The following ASS1 variants were observed in gnomAD, a reference collection of about 807,000 sequenced individuals.
ASS1 encodes the protein argininosuccinate synthase 1.
In ASS1, 58 loss-of-function variants were observed where a neutral mutation model predicts 60.5. The ratio of observed to expected loss-of-function variants is 0.96; its 90% CI spans 0.78 to 1.19. The LOEUF is 1.19. ASS1 is among the 50% of genes most tolerant of loss of function. ASS1 has a pLI of 0.00. For synonymous variants in ASS1, 200 were observed against 206.9 expected (o/e 0.97, Z 0.29); for missense variants, 454 against 547.3 (o/e 0.83, Z 1.70).
At chr9:130,479,485 G>A (rs1382890134) in intron 9 of ASS1, among the ~76,000 whole-genome samples, 1 of 152,162 alleles carries the variant, frequency 6.6e-6, no homozygotes, top group Non-Finnish European at 1.5e-5. Context: ...ATGGGAGGGT[G>A]GGGGAGAGCG....
rs1037488503 is a variant in ASS1, at chr9:130,488,752, CAAG to C, written c.839-580_839-578del. Reference sequence around the variant, plus strand: ...ATTCAGTTCCCAGCTCCACCTAGAGCAAGTCCCTTCTCCTCTTGAGCTCAGTTT... The same window carrying C: ...ATTCAGTTCCCAGCTCCACCTAGAGCTCCCTTCTCCTCTTGAGCTCAGTTT... On this transcript the variant is annotated intron_variant, in intron 11 of 14. Transcript: ENST00000352480. This position sits in a 1 kb window ranked among gnomAD's most constrained non-coding sequence, Gnocchi z 5.2. Among the ~76,000 whole-genome samples, 1 of 152,212 alleles carries C rather than the reference CAAG, an allele frequency of 6.6e-6. No homozygotes were observed. The highest frequency in any genetic ancestry group is 2.4e-5 in the African/African-American group (1 of 41,458).
At chr9:130,496,101 G>A (rs1190882349) in intron 13 of ASS1, among the ~76,000 whole-genome samples, 1 of 152,100 alleles carries the variant, frequency 6.6e-6, no homozygotes, top group Non-Finnish European at 1.5e-5. Flanking sequence ...AAGAGAGACT[G>A]CCTAGGGGAA....
chr9:130,454,418 A>T (rs760736476), intron 3 of ASS1, 45 bp downstream of exon 3: 1 of 1,584,954 alleles, frequency 6.3e-7, no homozygotes, highest in Non-Finnish European at 8.6e-7. Context: ...TGGGGCGGTG[A>T]TGTGGAGGGC....
chr9:130,450,871 T>A (rs896565265), intron 1 of ASS1, among the ~76,000 whole-genome samples: 2 of 152,204 alleles, frequency 1.3e-5, no homozygotes, highest in East Asian at 3.9e-4. Context: ...ACTCTGACCT[T>A]GTGACGTTGG....
At chr9:130,487,907 T>A (rs1297863625) in intron 11 of ASS1, among the ~76,000 whole-genome samples, 1 of 152,096 alleles carries the variant, frequency 6.6e-6, no homozygotes. Flanking sequence ...TGTACCACCA[T>A]GCCCGGCTAA....
chr9:130,449,358 A>G (rs1391065510), intron 1 of ASS1, among the ~76,000 whole-genome samples: 2 of 151,346 alleles, frequency 1.3e-5, no homozygotes, highest in Non-Finnish European at 2.9e-5. Context: ...AAAAAAAAAA[A>G]AAAAAGGATA....
intron 3 of ASS1, among the ~76,000 whole-genome samples, chr9:130,455,175 A>T (rs1272142276): frequency 6.7e-6 from 1 of 148,172 alleles, no homozygotes; most frequent in Non-Finnish European, 1.5e-5. Flanking sequence ...CCTTCCATGC[A>T]TCATCCATTC....
At chr9:130,475,244 G>A (rs1845985752) in intron 8 of ASS1, among the ~76,000 whole-genome samples, 1 of 152,168 alleles carries the variant, frequency 6.6e-6, no homozygotes, top group Non-Finnish European at 1.5e-5. Context: ...GGCCGAGCAT[G>A]TACCCCCAGA....
In ASS1 at chr9:130,476,815, G is replaced by A. The variant is rs1020009785; in HGVS notation, c.598-56G>A. 6.6e-7 allele frequency: 1 copy of A among 1,510,534 alleles called. No individual in the cohort carries two copies. Among genetic ancestry groups the A allele is most frequent in the Non-Finnish European group, 9.2e-7 (1 of 1,087,106 alleles). 93.6% of individuals were successfully genotyped at this position (1,510,534 alleles called of 1,614,324 possible). On this transcript the variant is annotated intron_variant, in intron 8 of 14. Coordinates refer to ENST00000352480, the MANE Select transcript of ASS1 (RefSeq NM_054012.4). This position sits in a 1 kb window ranked among gnomAD's most constrained non-coding sequence, Gnocchi z 4.9. ...TGCAGATCCCCGCGGGAGGTGGGCT[G>A]TAGGGTGTCCAGGGACTGGTATGTC...
intron 8 of ASS1, among the ~76,000 whole-genome samples, chr9:130,475,420 G>A (rs1474202192): frequency 1.3e-5 from 2 of 152,232 alleles, no homozygotes; most frequent in Non-Finnish European, 2.9e-5. Context: ...TTACAGATGA[G>A]GAAACTGAGG....
intron 2 of ASS1, among the ~76,000 whole-genome samples, chr9:130,452,849 C>T (rs534803842): frequency 1.3e-5 from 2 of 152,366 alleles, no homozygotes; most frequent in South Asian, 4.1e-4. Flanking sequence ...GGAGTCATCC[C>T]TCTCAAACTA....
In ASS1 at chr9:130,471,530, C is replaced by A. The variant is rs1845866092; in HGVS notation, c.597+15C>A. 6.2e-7 allele frequency: 1 copy of A among 1,611,890 alleles called. No individual in the cohort carries two copies. The highest frequency in any genetic ancestry group is 1.1e-5 in the South Asian group (1 of 91,018). ...AGAACCCCAAGGTAATCCCCCAAAC[C>A]CCATCTCCTCCCAGCTGGCCACCTT... On this transcript the variant is annotated intron_variant, in intron 8 of 14. Transcript: ENST00000352480.
Position 130,494,758 on chromosome 9 carries a change from G to A in ASS1, c.971-109G>A. On this transcript the variant is annotated intron_variant, in intron 12 of 14. Coordinates refer to ENST00000352480, the MANE Select transcript of ASS1 (RefSeq NM_054012.4). The surrounding 1 kb of genome is among the most constrained non-coding windows in gnomAD (Gnocchi z 4.3). ...GCCAGTCTCGCGGGAGGCAGTCATGGTCTGCATGGCGGGGTAAACCATGGG... is the reference window on the plus strand; with the variant it reads ...GCCAGTCTCGCGGGAGGCAGTCATGATCTGCATGGCGGGGTAAACCATGGG... 2 of 1,428,190 alleles carry A rather than the reference G, an allele frequency of 1.4e-6. No individual in the cohort carries two copies. Among genetic ancestry groups the A allele is most frequent in the South Asian group, 1.2e-5 (1 of 85,510 alleles). The allele number at this position is 1,428,190 out of a possible 1,614,324, so 88.5% of individuals were successfully genotyped here. A position where few individuals can be genotyped will look rare whatever the true frequency, so the allele number is the denominator to read the frequency against.
chr9:130,450,942 C>A (rs182315118), intron 1 of ASS1, among the ~76,000 whole-genome samples: 1 of 152,198 alleles, frequency 6.6e-6, no homozygotes, highest in African/African-American at 2.4e-5. Flanking sequence ...TTGGGAAATG[C>A]GGGATGCTGG....
Position 130,489,569 on chromosome 9 carries a change from C to A in ASS1, c.970+105C>A. On this transcript the variant is annotated intron_variant, in intron 12 of 14. Coordinates refer to ENST00000352480, the MANE Select transcript of ASS1 (RefSeq NM_054012.4). The surrounding 1 kb of genome is among the most constrained non-coding windows in gnomAD (Gnocchi z 4.1). Reference sequence around the variant, plus strand: ...CTCCCCTCCGTATCAGCACCTTCCTCCCCTGCCGCCCACTGCCATCCTCAT... The same window carrying A: ...CTCCCCTCCGTATCAGCACCTTCCTACCCTGCCGCCCACTGCCATCCTCAT... The A allele has an allele frequency of 6.4e-7, 1 of 1,562,298 alleles. No individual in the cohort carries two copies. Among genetic ancestry groups the A allele is most frequent in the Non-Finnish European group, 8.8e-7 (1 of 1,140,338 alleles).
At chr9:130,498,547 G>A (rs1846659513) in intron 13 of ASS1, among the ~76,000 whole-genome samples, 1 of 152,176 alleles carries the variant, frequency 6.6e-6, no homozygotes, top group Non-Finnish European at 1.5e-5. Flanking sequence ...AGGCAGCAAG[G>A]GCTTAATAAA....
chr9:130,471,009 G>C (rs776436226), intron 7 of ASS1, 105 bp downstream of exon 7: 6 of 1,336,662 alleles, frequency 4.5e-6, no homozygotes, highest in Non-Finnish European at 6.4e-6. Context: ...AGTGGTCCCT[G>C]CCCTCGGGGA....
At chr9:130,493,056 A>G (rs1001762314) in intron 12 of ASS1, among the ~76,000 whole-genome samples, 1 of 152,090 alleles carries the variant, frequency 6.6e-6, no homozygotes, top group African/African-American at 2.4e-5. Flanking sequence ...TGGGCTAATT[A>G]TCCCAGCTCC....
chr9:130,447,072 C>T (rs1054622226), intron 1 of ASS1, among the ~76,000 whole-genome samples: 6 of 152,252 alleles, frequency 3.9e-5, no homozygotes, highest in Non-Finnish European at 7.3e-5. Flanking sequence ...GCAGGGGAAT[C>T]TTCCACGGGG....
Sources: gnomAD v4.1 joint callset for allele counts (sites outside exome capture counted in the v4.1 genomes callset) on GRCh38, gnomAD v4.1.1 for gene constraint, Gnocchi (gnomAD v3.1) non-coding constraint, MANE v1.5 for transcripts, NCBI Gene and HGNC (gene_info 2026-07-23, HGNC 2026-07-21) for gene names.